NUP98: variants seen among roughly 807,000 people sequenced by gnomAD.
The protein encoded by NUP98 is nuclear pore complex protein Nup98-Nup96.
NUP98 carries 26 observed loss-of-function variants against 191.9 expected under a neutral mutation model. The observed-to-expected ratio is 0.14, with a 90% confidence interval of 0.10 to 0.19. NUP98 has a LOEUF of 0.19. NUP98 is among the 10% of genes least tolerant of loss of function. The pLI, the probability that NUP98 is intolerant of heterozygous loss-of-function variation, is 1.00. For missense variants in NUP98, 1,941 were observed against 2,178.8 expected, an observed-to-expected ratio of 0.89 and a Z score of 2.17; for synonymous variants, 808 against 778.4, an observed-to-expected ratio of 1.04 and a Z score of -0.63.
At position 3,693,300 on chromosome 11, in the gene NUP98, G is replaced by C. The variant is rs534039825; in HGVS notation, c.4243C>G (p.Leu1415Val). The C allele has an allele frequency of 5.6e-6, 9 of 1,614,186 alleles. No homozygotes were observed. Among genetic ancestry groups the C allele is most frequent in the Admixed American group, 1.7e-5 (1 of 60,022 alleles). The change falls in exon 27 of 33, where the codon CTT (leucine) becomes GTT (valine). Residue 1415 changes from leucine to valine, a missense_variant. Leu to Val is a conservative substitution (Grantham distance 32). Coordinates refer to ENST00000324932, the MANE Select transcript of NUP98 (RefSeq NM_016320.5). Reference protein sequence around the residue: ...LDWKRSLAIHLWYLLPPTASI... With the variant: ...LDWKRSLAIHVWYLLPPTASI... ...GCTGTTGGTGGAAGCAAATACCAAAGATGGATAGCCAGGGAGCGTTTCCAA... is the reference window on the plus strand; with the variant it reads ...GCTGTTGGTGGAAGCAAATACCAAACATGGATAGCCAGGGAGCGTTTCCAA...
At chr11:3,702,061 T>C (rs1589987051) in intron 23 of NUP98, among the ~76,000 whole-genome samples, 1 of 151,636 alleles carries the variant, frequency 6.6e-6, no homozygotes, top group Non-Finnish European at 1.5e-5. Context: ...GAGGCCAAGG[T>C]AGGACAATCA....
intron 30 of NUP98, among the ~76,000 whole-genome samples, chr11:3,680,341 C>T (rs1344232874): frequency 2.0e-5 from 3 of 152,160 alleles, no homozygotes; most frequent in Non-Finnish European, 2.9e-5. Flanking sequence ...AAAGCAAACT[C>T]CTCATGAGTG....
intron 18 of NUP98, among the ~76,000 whole-genome samples, chr11:3,717,933 G>C (rs747151539): frequency 6.6e-6 from 1 of 152,054 alleles, no homozygotes; most frequent in Non-Finnish European, 1.5e-5. Flanking sequence ...TAAATCTTTT[G>C]GCCATGATGT....
chr11:3,764,305 T>C (rs1361201828), intron 8 of NUP98, among the ~76,000 whole-genome samples: 2 of 152,258 alleles, frequency 1.3e-5, no homozygotes, highest in Non-Finnish European at 1.5e-5. Flanking sequence ...GGTTGAACAA[T>C]ATTCCATTGT....
rs752904815 is a variant in NUP98, at chr11:3,700,813, T to A, written c.3539A>T (p.His1180Leu). ...KPLTESPFKVHLEKLSLRQRK... is the reference protein window; with the variant it reads ...KPLTESPFKVLLEKLSLRQRK... ...TTGTCTCAAACTGAGTTTTTCTAAG[T>A]GAACTTTGAATGGGGACTCAGTTAG... is the stretch of plus-strand genomic sequence containing the variant. Residue 1180 changes from histidine to leucine, a missense_variant, in exon 24 of 33, where the codon CAC becomes CTC. Physicochemically the swap from His to Leu is moderately conservative, Grantham distance 99. This residue lies in a region of NUP98 where 1,030 missense variants were observed against 1,115.8 expected (regional missense o/e 0.92). Transcript: ENST00000324932. The A allele has an allele frequency of 3.1e-6, 5 of 1,613,902 alleles. No individual in the cohort carries two copies. Among genetic ancestry groups the A allele is most frequent in the Non-Finnish European group, 4.2e-6 (5 of 1,179,886 alleles).
intron 8 of NUP98, among the ~76,000 whole-genome samples, chr11:3,763,706 G>A (rs1043577645): frequency 1.3e-5 from 2 of 152,000 alleles, no homozygotes; most frequent in South Asian, 2.1e-4. Context: ...ACGCCACCAG[G>A]CCTGGCTAAT....
At chr11:3,700,470 T>C in intron 24 of NUP98, 140 bp downstream of exon 24, 1 of 555,492 alleles carries the variant, frequency 1.8e-6, no homozygotes, top group Non-Finnish European at 3.2e-6. Flanking sequence ...GGAATCTGCT[T>C]AGTTAAACTC....
intron 11 of NUP98, among the ~76,000 whole-genome samples, chr11:3,746,040 C>T (rs551808281): frequency 1.9e-4 from 29 of 151,930 alleles, no homozygotes; most frequent in African/African-American, 6.5e-4. Flanking sequence ...GAGGTCGAGG[C>T]GGGTGGATCA....
At chr11:3,695,828 T>TAGC (rs2078485957) in intron 25 of NUP98, among the ~76,000 whole-genome samples, 2 of 152,014 alleles carry the variant, frequency 1.3e-5, no homozygotes, top group South Asian at 4.1e-4. Context: ...ATAGACTGAA[T>TAGC]AGCATATAGA....
chr11:3,692,757 A>G (rs2078359187), intron 27 of NUP98, among the ~76,000 whole-genome samples: 1 of 152,192 alleles, frequency 6.6e-6, no homozygotes, highest in Admixed American at 6.5e-5. Flanking sequence ...AATATACTCA[A>G]GTTTCAAGTG....
rs367647619 is a variant in NUP98, at chr11:3,712,586, C to A, written c.2720G>T (p.Gly907Val). 5.6e-6 allele frequency: 9 copies of A among 1,613,808 alleles called. No individual in the cohort carries two copies. Among genetic ancestry groups the A allele is most frequent in the Non-Finnish European group, 7.6e-6 (9 of 1,179,944 alleles). Reference protein sequence around the residue: ...QTTPLQMALNGKPAPPPQSQS... With the variant: ...QTTPLQMALNVKPAPPPQSQS... ...TACCTGAGGTGGAGGTGCAGGTTTG[C>A]CATTAAGAGCCATCTGCAAGGGCGT... Residue 907 changes from glycine to valine, a missense_variant, in exon 20 of 33, where the codon GGC becomes GTC. Around this residue, in one of 6 missense-constraint regions of NUP98, gnomAD observed 1,030 missense variants for 1,115.8 expected, o/e 0.92. Coordinates refer to ENST00000324932, the MANE Select transcript of NUP98 (RefSeq NM_016320.5).
intron 31 of NUP98, 80 bp from the exon 32 acceptor site, chr11:3,676,700 C>T (rs1369281703): frequency 1.8e-6 from 2 of 1,111,604 alleles, no homozygotes; most frequent in Admixed American, 1.7e-5. Context: ...TACACAAAAC[C>T]TTGAAACAAC....
chr11:3,722,460 A>AATATAT (rs148681790), intron 16 of NUP98, among the ~76,000 whole-genome samples: 11 of 148,874 alleles, frequency 7.4e-5, no homozygotes, highest in African/African-American at 2.2e-4. Flanking sequence ...TAAGTAACCA[A>AATATAT]ATATATATAT....
intron 26 of NUP98, among the ~76,000 whole-genome samples, chr11:3,694,356 G>A (rs1170465254): frequency 6.6e-6 from 1 of 151,482 alleles, no homozygotes; most frequent in Non-Finnish European, 1.5e-5. Flanking sequence ...GACAATAAGA[G>A]CGAAACTCTA....
In NUP98 at chr11:3,685,007, T is replaced by C. The variant is rs113763828; in HGVS notation, c.4676+966A>G. On this transcript the variant is annotated intron_variant, in intron 29 of 32. Coordinates refer to ENST00000324932, the MANE Select transcript of NUP98 (RefSeq NM_016320.5). ...CTGCCATTTACTAGCTGTGTGACCTTGGACAAAAGTTAAGCTCTGTGTCTT... is the reference window on the plus strand; with the variant it reads ...CTGCCATTTACTAGCTGTGTGACCTCGGACAAAAGTTAAGCTCTGTGTCTT... 5.5e-3 allele frequency among the ~76,000 whole-genome samples: 833 copies of C among 152,298 alleles called. 7 individuals carry two copies. Among genetic ancestry groups the C allele is most frequent in the African/African-American group, 0.017 (701 of 41,554 alleles).
intron 14 of NUP98, among the ~76,000 whole-genome samples, chr11:3,728,950 A>C (rs985458451): frequency 7.9e-5 from 12 of 152,306 alleles, no homozygotes; most frequent in Non-Finnish European, 1.3e-4. Flanking sequence ...AGATTCCAAA[A>C]TTTCTGACCG....
intron 11 of NUP98, among the ~76,000 whole-genome samples, chr11:3,746,862 G>A (rs558779464): frequency 3.4e-5 from 5 of 147,148 alleles, no homozygotes; most frequent in Admixed American, 6.8e-5. Context: ...GCAGTGAGCC[G>A]AGATCATGCC....
intron 1 of NUP98, among the ~76,000 whole-genome samples, chr11:3,794,689 A>G (rs1378447754): frequency 6.6e-6 from 1 of 152,148 alleles, no homozygotes; most frequent in African/African-American, 2.4e-5. Context: ...CAATCACAGC[A>G]CTGCAGTCTC....
intron 9 of NUP98, among the ~76,000 whole-genome samples, chr11:3,761,750 C>T (rs2081178276): frequency 6.6e-6 from 1 of 151,876 alleles, no homozygotes; most frequent in Admixed American, 6.6e-5. Context: ...ACAGGCGAGA[C>T]TCCGTCTCAA....
Sources: gnomAD v4.1 joint callset for allele counts (sites outside exome capture counted in the v4.1 genomes callset) on GRCh38, gnomAD v4.1.1 for gene constraint, gnomAD v4.1.1 regional missense constraint, MANE v1.5 for transcripts, NCBI Gene and HGNC (gene_info 2026-07-23, HGNC 2026-07-21) for gene names.